The following RBFOX1 variants were observed in gnomAD, a reference collection of about 807,000 sequenced individuals.
The protein encoded by RBFOX1 is RNA binding protein fox-1 homolog 1.
In RBFOX1, 8 loss-of-function variants were observed where a neutral mutation model predicts 57.7. That is an observed-to-expected ratio of 0.14 (90% CI 0.08 to 0.25). RBFOX1 has a LOEUF of 0.25. Ranked by LOEUF, RBFOX1 falls within the 10% of genes least tolerant of loss-of-function variation. RBFOX1 has a pLI of 1.00. For synonymous variants in RBFOX1, 326 were observed against 222.4 expected, an observed-to-expected ratio of 1.47 and a Z score of -4.15; for missense variants, 611 against 548.5, an observed-to-expected ratio of 1.11 and a Z score of -1.14.
At chr16:7,574,648 G>C (rs981096246) in intron 5 of RBFOX1, among the ~76,000 whole-genome samples, 2 of 152,166 alleles carry the variant, frequency 1.3e-5, no homozygotes, top group Admixed American at 6.5e-5. Flanking sequence ...CGTGTTGGCA[G>C]GTGATCAGAT....
intron 2 of RBFOX1, among the ~76,000 whole-genome samples, chr16:5,534,440 G>T (rs1419075878): frequency 2.0e-5 from 3 of 152,188 alleles, no homozygotes; most frequent in African/African-American, 7.2e-5. Context: ...AGCCAACACT[G>T]CAGCCTTCAG....
In RBFOX1 at chr16:6,736,775, G is replaced by T. The variant is rs184030474; in HGVS notation, c.-16+82125G>T. Among the ~76,000 whole-genome samples, 29 of 152,310 alleles carry T rather than the reference G, an allele frequency of 1.9e-4. 1 individual carries two copies. In the East Asian group the frequency reaches 5.0e-3, roughly 26 times the overall value. On this transcript the variant is annotated intron_variant, in intron 3 of 15. Coordinates refer to ENST00000550418, the MANE Select transcript of RBFOX1 (RefSeq NM_018723.4). ...TTAGAAGGACAGGTTGTGATTTGTA[G>T]CAGGTGGTGGTTCTGACCATGTATG...
chr16:7,332,492 T>G lies in RBFOX1; in HGVS notation c.28-185655T>G, dbSNP rs562315323. Among the ~76,000 whole-genome samples the G allele has an allele frequency of 7.2e-5, 11 of 152,278 alleles. No homozygotes were observed. In the East Asian group the frequency reaches 2.1e-3, roughly 29 times the overall value. On this transcript the variant is annotated intron_variant, in intron 4 of 15. Transcript: ENST00000550418. ...GTGCCAAACGTTGCCCACATTAACCTGCTGGATTTGAATTTTAACTCGGAG... is the reference window on the plus strand; with the variant it reads ...GTGCCAAACGTTGCCCACATTAACCGGCTGGATTTGAATTTTAACTCGGAG...
At chr16:7,111,340 G>T (rs1000690504) in intron 4 of RBFOX1, among the ~76,000 whole-genome samples, 2 of 152,120 alleles carry the variant, frequency 1.3e-5, no homozygotes, top group African/African-American at 2.4e-5. Flanking sequence ...CTTTGCAGAC[G>T]GAGCTGAGCG....
At chr16:6,742,656 A>C (rs2072542334) in intron 3 of RBFOX1, among the ~76,000 whole-genome samples, 1 of 152,222 alleles carries the variant, frequency 6.6e-6, no homozygotes, top group East Asian at 1.9e-4. Flanking sequence ...CAGCAATAAA[A>C]ACTGAATGAA....
chr16:5,405,691 C>T (rs1274356356), intron 1 of RBFOX1, among the ~76,000 whole-genome samples: 2 of 152,190 alleles, frequency 1.3e-5, no homozygotes, highest in Admixed American at 6.5e-5. Context: ...GCAGGATGCT[C>T]ATGGGAGGCA....
At chr16:6,469,436 C>T (rs1438734241) in intron 2 of RBFOX1, among the ~76,000 whole-genome samples, 1 of 152,100 alleles carries the variant, frequency 6.6e-6, no homozygotes, top group Admixed American at 6.5e-5. Context: ...GCTGGATTTC[C>T]TTCGTTGATT....
chr16:7,114,155 A>T (rs887635554), intron 4 of RBFOX1, among the ~76,000 whole-genome samples: 1 of 152,192 alleles, frequency 6.6e-6, no homozygotes, highest in African/African-American at 2.4e-5. Flanking sequence ...GTTGTACTTA[A>T]GAGATCAGAG....
At chr16:6,919,506 G>C (rs966889953) in intron 3 of RBFOX1, among the ~76,000 whole-genome samples, 2 of 151,850 alleles carry the variant, frequency 1.3e-5, no homozygotes, top group African/African-American at 4.8e-5. Flanking sequence ...GTAGACCTGG[G>C]ATTTGAACCA....
chr16:7,521,600 C>T (rs1242409095), intron 5 of RBFOX1, among the ~76,000 whole-genome samples: 1 of 152,218 alleles, frequency 6.6e-6, no homozygotes, highest in Non-Finnish European at 1.5e-5. Flanking sequence ...GATGTGCAGA[C>T]AAGCTCTCTT....
chr16:6,751,069 C>G (rs2074847032), intron 3 of RBFOX1, among the ~76,000 whole-genome samples: 1 of 152,142 alleles, frequency 6.6e-6, no homozygotes, highest in South Asian at 2.1e-4. Flanking sequence ...ATCAGGGTGG[C>G]AAAGCTTAGC....
intron 3 of RBFOX1, among the ~76,000 whole-genome samples, chr16:5,825,633 G>C (rs948795023): frequency 6.6e-6 from 1 of 152,148 alleles, no homozygotes; most frequent in African/African-American, 2.4e-5. Context: ...TAAGGACGTT[G>C]ACAGCGTTGT....
rs1215387590 is a variant in RBFOX1, at chr16:7,676,849, T to A, written c.995+11T>A. 6.2e-7 allele frequency: 1 copy of A among 1,607,784 alleles called. No individual in the cohort carries two copies. Among genetic ancestry groups the A allele is most frequent in the South Asian group, 1.1e-5 (1 of 90,958 alleles). On this transcript the variant is annotated intron_variant, in intron 14 of 15. Transcript: ENST00000550418. ...TGCCTACAGTGACAGGTAAGGGTCA[T>A]CCTTCTTGTGCTTGACAACTACTTG...
At chr16:5,346,517 C>T (rs1362188140) in intron 1 of RBFOX1, among the ~76,000 whole-genome samples, 2 of 152,162 alleles carry the variant, frequency 1.3e-5, no homozygotes, top group Admixed American at 6.5e-5. Flanking sequence ...ACCGCAAGAG[C>T]AAAAGGCTGG....
At chr16:6,381,357 T>C (rs1018894958) in intron 2 of RBFOX1, among the ~76,000 whole-genome samples, 1 of 152,090 alleles carries the variant, frequency 6.6e-6, no homozygotes, top group African/African-American at 2.4e-5. Context: ...CGATCTCCAG[T>C]GTCTATTATT....
intron 3 of RBFOX1, among the ~76,000 whole-genome samples, chr16:7,026,214 T>G (rs1206141558): frequency 6.6e-6 from 1 of 152,280 alleles, no homozygotes; most frequent in East Asian, 1.9e-4. Flanking sequence ...CCGTCTCTTC[T>G]AGGAAGGCAA....
chr16:6,589,769 C>G (rs986365862), intron 2 of RBFOX1, among the ~76,000 whole-genome samples: 3 of 152,252 alleles, frequency 2.0e-5, no homozygotes, highest in Non-Finnish European at 2.9e-5. Flanking sequence ...AAACTATAAA[C>G]TAGGTTATTT....
intron 4 of RBFOX1, among the ~76,000 whole-genome samples, chr16:5,981,474 T>C (rs1468971610): frequency 2.6e-5 from 4 of 152,192 alleles, no homozygotes; most frequent in African/African-American, 4.8e-5. Flanking sequence ...TTTTATTTTA[T>C]TATTTTATTT....
At chr16:5,580,568 C>A (rs1222017291) in intron 2 of RBFOX1, among the ~76,000 whole-genome samples, 1 of 152,178 alleles carries the variant, frequency 6.6e-6, no homozygotes, top group Non-Finnish European at 1.5e-5. Flanking sequence ...CCAGCTGGTC[C>A]TGCTTCAACG....
Sources: gnomAD v4.1 joint callset for allele counts (sites outside exome capture counted in the v4.1 genomes callset) on GRCh38, gnomAD v4.1.1 for gene constraint, MANE v1.5 for transcripts, NCBI Gene and HGNC (gene_info 2026-07-23, HGNC 2026-07-21) for gene names.